The following TTC28 variants were observed in gnomAD, a reference collection of about 807,000 sequenced individuals.
The protein encoded by TTC28 is tetratricopeptide repeat protein 28.
A neutral mutation model predicts 198.0 loss-of-function variants in TTC28; 61 were observed. That is an observed-to-expected ratio of 0.31 (90% CI 0.25 to 0.38). TTC28 has a LOEUF of 0.38. Among genes scored for constraint, TTC28 ranks in the 10% least tolerant of loss-of-function variants. The pLI is 1.00. For synonymous variants in TTC28, 1,171 were observed against 1,297.8 expected (o/e 0.90, Z 2.10); for missense variants, 2,678 against 3,164.0 (o/e 0.85, Z 3.69).
chr22:28,619,818 C>G (rs538344962), intron 2 of TTC28, among the ~76,000 whole-genome samples: 3 of 151,978 alleles, frequency 2.0e-5, no homozygotes, highest in African/African-American at 7.3e-5. Flanking sequence ...AAACAAACAT[C>G]GAATTTATAG....
At chr22:28,207,677 G>A (rs1926542321) in intron 5 of TTC28, among the ~76,000 whole-genome samples, 1 of 152,168 alleles carries the variant, frequency 6.6e-6, no homozygotes. Flanking sequence ...GGGCTTTAGA[G>A]ACACTGGAGA....
chr22:28,226,737 A>C (rs1351242904), intron 5 of TTC28, among the ~76,000 whole-genome samples: 1 of 152,054 alleles, frequency 6.6e-6, no homozygotes, highest in East Asian at 1.9e-4. Flanking sequence ...GATGTTGAGC[A>C]TTTTTTAATG....
At chr22:28,410,166 C>T (rs1367577091) in intron 2 of TTC28, among the ~76,000 whole-genome samples, 1 of 152,170 alleles carries the variant, frequency 6.6e-6, no homozygotes, top group Non-Finnish European at 1.5e-5. Context: ...AAGTGATCTG[C>T]CCACCTCGGC....
At chr22:28,459,956 A>G (rs1008711138) in intron 2 of TTC28, 3 of 152,234 alleles carry the variant, frequency 2.0e-5, no homozygotes, top group East Asian at 1.9e-4. Context: ...AGGGAAACAT[A>G]TTCACTGAGA....
intron 2 of TTC28, among the ~76,000 whole-genome samples, chr22:28,581,330 A>G (rs953251769): frequency 1.3e-5 from 2 of 152,124 alleles, no homozygotes; most frequent in African/African-American, 4.8e-5. Flanking sequence ...GGAAGAACCA[A>G]CCTCTTTTCT....
chr22:28,473,210 A>C (rs574509859), intron 2 of TTC28, among the ~76,000 whole-genome samples: 18 of 152,350 alleles, frequency 1.2e-4, no homozygotes, highest in African/African-American at 3.6e-4. Flanking sequence ...ACTGTCAAAA[A>C]TATTCTTATT....
intron 2 of TTC28, among the ~76,000 whole-genome samples, chr22:28,582,833 T>G (rs976420510): frequency 6.6e-6 from 1 of 152,190 alleles, no homozygotes; most frequent in African/African-American, 2.4e-5. Context: ...AACATTTTAC[T>G]TGTGATTCAT....
chr22:28,371,756 AT>A (rs2046340991), intron 2 of TTC28, among the ~76,000 whole-genome samples: 1 of 146,312 alleles, frequency 6.8e-6, no homozygotes, highest in African/African-American at 2.5e-5. Context: ...TAATTTTTGA[AT>A]TTTTTGTAGA....
intron 2 of TTC28, among the ~76,000 whole-genome samples, chr22:28,311,369 A>C (rs2045253057): frequency 6.6e-6 from 1 of 152,198 alleles, no homozygotes; most frequent in Non-Finnish European, 1.5e-5. Flanking sequence ...AAAAGCAAAA[A>C]TGATTATAAG....
At chr22:28,506,240 C>T (rs1312683360) in intron 2 of TTC28, among the ~76,000 whole-genome samples, 2 of 152,074 alleles carry the variant, frequency 1.3e-5, no homozygotes, top group Non-Finnish European at 1.5e-5. Context: ...AGAACACAGA[C>T]GGTCTGGATG....
chr22:28,501,159 G>A (rs2048532904), intron 2 of TTC28, among the ~76,000 whole-genome samples: 2 of 152,148 alleles, frequency 1.3e-5, no homozygotes, highest in Admixed American at 1.3e-4. Flanking sequence ...GGAGCAAAAT[G>A]TAACTGTTCT....
chr22:28,335,668 T>C (rs966665495), intron 2 of TTC28, among the ~76,000 whole-genome samples: 1 of 152,200 alleles, frequency 6.6e-6, no homozygotes, highest in Non-Finnish European at 1.5e-5. Flanking sequence ...AGAATGCTTG[T>C]GATTTTTGCA....
At chr22:28,431,146 T>C (rs117351523) in intron 2 of TTC28, among the ~76,000 whole-genome samples, 1 of 152,284 alleles carries the variant, frequency 6.6e-6, no homozygotes, top group Non-Finnish European at 1.5e-5. Flanking sequence ...ATGCTTAACA[T>C]ATGCCACCTC....
At chr22:28,416,674 A>G (rs1430810673) in intron 2 of TTC28, among the ~76,000 whole-genome samples, 1 of 152,210 alleles carries the variant, frequency 6.6e-6, no homozygotes, top group Non-Finnish European at 1.5e-5. Flanking sequence ...CGTCACTCCA[A>G]GATTTTAGAT....
chr22:28,506,812 G>A (rs2048619885), intron 2 of TTC28, among the ~76,000 whole-genome samples: 1 of 152,222 alleles, frequency 6.6e-6, no homozygotes, highest in African/African-American at 2.4e-5. Flanking sequence ...GCAAACTGCA[G>A]CAGCCCTAAA....
intron 2 of TTC28, among the ~76,000 whole-genome samples, chr22:28,483,518 T>C (rs761725629): frequency 2.0e-5 from 3 of 152,186 alleles, no homozygotes; most frequent in African/African-American, 4.8e-5. Context: ...TTGAATAATG[T>C]TCCCTTTGTG....
intron 5 of TTC28, among the ~76,000 whole-genome samples, chr22:28,183,064 TTTA>T (rs1313773782): frequency 6.6e-6 from 1 of 151,860 alleles, no homozygotes; most frequent in Non-Finnish European, 1.5e-5. Flanking sequence ...TTTTTTTTTT[TTTA>T]AATGTTGTAG....
intron 2 of TTC28, among the ~76,000 whole-genome samples, chr22:28,402,116 C>G (rs533297499): frequency 2.4e-4 from 37 of 152,336 alleles, no homozygotes; most frequent in Middle Eastern, 6.8e-3. Flanking sequence ...AGACTGAAGT[C>G]TTCTCTTTAA....
intron 1 of TTC28, among the ~76,000 whole-genome samples, chr22:28,669,724 CTTT>C (rs1167487534): frequency 2.0e-5 from 3 of 152,230 alleles, no homozygotes; most frequent in South Asian, 2.1e-4. Context: ...GTTCACATTA[CTTT>C]TTTAATTCAC....
Sources: allele counts gnomAD v4.1 joint callset (sites outside exome capture counted in the v4.1 genomes callset), GRCh38; gene constraint gnomAD v4.1.1; transcripts MANE v1.5; gene names NCBI Gene and HGNC (gene_info 2026-07-23, HGNC 2026-07-21).